Variants in HBS1L observed in about 807,000 individuals in gnomAD.
The protein encoded by HBS1L is HBS1 like translational GTPase, also known as HBS1-like protein.
A neutral mutation model predicts 88.9 loss-of-function variants in HBS1L; 55 were observed. The observed-to-expected ratio is 0.62, with a 90% CI of 0.50 to 0.77. The LOEUF is 0.77. HBS1L is among the 30% of genes least tolerant of loss of function. HBS1L has a pLI of 0.00. For synonymous variants in HBS1L, 267 were observed against 288.5 expected, an observed-to-expected ratio of 0.93 and a Z score of 0.76; for missense variants, 741 against 829.3, an observed-to-expected ratio of 0.89 and a Z score of 1.31.
At chr6:135,014,463 A>G (rs1277130591) in intron 4 of HBS1L, among the ~76,000 whole-genome samples, 2 of 152,212 alleles carry the variant, frequency 1.3e-5, no homozygotes, top group East Asian at 1.9e-4. Context: ...GAACAGTACG[A>G]TAAGATGAAA....
chr6:134,979,640 G>A (rs910601598), intron 13 of HBS1L, among the ~76,000 whole-genome samples: 6 of 152,134 alleles, frequency 3.9e-5, no homozygotes, highest in African/African-American at 1.4e-4. Flanking sequence ...TATTCATAAT[G>A]ACATAAAAGA....
Position 135,034,718 on chromosome 6 carries a change from C to T in HBS1L, c.430+4855G>A, listed in dbSNP as rs181335570. ...CAAGGAATACTAATAATATCTCCAT[C>T]ATTTTATGCAAAGGGCCATTAATTC... On this transcript the variant is annotated intron_variant, in intron 4 of 17. Transcript: ENST00000367837. Among the ~76,000 whole-genome samples, 139 of 152,334 alleles carry T rather than the reference C, an allele frequency of 9.1e-4. 1 individual carries two copies. Among genetic ancestry groups the T allele is most frequent in the African/African-American group, 3.2e-3 (135 of 41,584 alleles).
At chr6:135,034,600 T>C (rs1389546105) in intron 4 of HBS1L, among the ~76,000 whole-genome samples, 1 of 152,154 alleles carries the variant, frequency 6.6e-6, no homozygotes, top group East Asian at 1.9e-4. Flanking sequence ...GCCGAGATCA[T>C]GCCACTGCAC....
chr6:134,990,620 G>A (rs373856468), intron 8 of HBS1L, among the ~76,000 whole-genome samples: 4 of 152,042 alleles, frequency 2.6e-5, no homozygotes, highest in African/African-American at 7.2e-5. Flanking sequence ...CTTCCCTCAC[G>A]GCTCACTGCA....
At position 134,986,822 on chromosome 6, in the gene HBS1L, C is replaced by T. The variant is rs1774992274; in HGVS notation, c.1231-12G>A. 6 of 1,463,538 alleles carry T rather than the reference C, an allele frequency of 4.1e-6. No homozygotes were observed. Among genetic ancestry groups the T allele is most frequent in the Non-Finnish European group, 5.5e-6 (6 of 1,083,162 alleles). The allele number at this position is 1,463,538 out of a possible 1,614,324, so 90.7% of individuals were successfully genotyped here. A position where few individuals can be genotyped will look rare whatever the true frequency, so the allele number is the denominator to read the frequency against. On this transcript the variant is annotated splice_polypyrimidine_tract_variant and intron_variant, in intron 9 of 17. Coordinates refer to ENST00000367837, the MANE Select transcript of HBS1L (RefSeq NM_006620.4). ...TGTTGCCAATTAACCTGATAAAGATCCAATTTATTTTTAAAACTATCCTTC... is the reference window on the plus strand; with the variant it reads ...TGTTGCCAATTAACCTGATAAAGATTCAATTTATTTTTAAAACTATCCTTC...
intron 5 of HBS1L, among the ~76,000 whole-genome samples, chr6:135,001,966 T>C (rs1775474023): frequency 6.6e-6 from 1 of 151,668 alleles, no homozygotes; most frequent in Admixed American, 6.6e-5. Flanking sequence ...AAAAAAAGTA[T>C]ATATATATAA....
chr6:134,986,746 G>C lies in HBS1L; in HGVS notation c.1295C>G (p.Ala432Gly). The change falls in exon 10 of 18, where the codon GCA becomes GGA. Residue 432 changes from alanine to glycine, a missense_variant. Coordinates refer to ENST00000367837, the MANE Select transcript of HBS1L (RefSeq NM_006620.4). ...CTAAAATGATCTTACCTTAAAACCT[G>C]CTTGCTTAAGAAAGTGCCCAAGTTT... ...TGKLGHFLKQ[A>G]GFKESDVGFI... 1 of 1,552,070 alleles carries C rather than the reference G, an allele frequency of 6.4e-7. No individual in the cohort carries two copies. Among genetic ancestry groups the C allele is most frequent in the Non-Finnish European group, 8.7e-7 (1 of 1,146,084 alleles).
At chr6:135,001,398 G>A (rs532548741) in intron 5 of HBS1L, among the ~76,000 whole-genome samples, 15 of 152,100 alleles carry the variant, frequency 9.9e-5, no homozygotes, top group South Asian at 8.3e-4. Flanking sequence ...GGGTTCATTT[G>A]CATGTTAAGA....
intron 4 of HBS1L, among the ~76,000 whole-genome samples, chr6:135,030,143 G>A (rs1776343471): frequency 6.6e-6 from 1 of 152,116 alleles, no homozygotes; most frequent in African/African-American, 2.4e-5. Context: ...ATGGAAGAGG[G>A]GTGGAGGGAG....
Position 135,039,726 on chromosome 6 carries a change from C to T in HBS1L, c.277G>A (p.Gly93Arg), listed in dbSNP as rs1336263042. Residue 93 changes from glycine (G) to arginine (R), a missense_variant, in exon 4 of 18, where the codon GGA (glycine) becomes AGA (arginine). Gly to Arg is a moderately radical substitution (Grantham distance 125). Transcript: ENST00000367837. Reference protein sequence around the residue: ...SCLDHMREVLGDAVPDEILIE... With the variant: ...SCLDHMREVLRDAVPDEILIE... ...AATATTTCATCTGGCACAGCATCTC[C>T]AAGTACCTCTCTCATGTGATCAAGG... The T allele has an allele frequency of 6.2e-7, 1 of 1,613,908 alleles. No homozygotes were observed. The highest frequency in any genetic ancestry group is 1.7e-5 in the Admixed American group (1 of 60,016).
chr6:135,009,066 C>G (rs555191366), intron 4 of HBS1L, among the ~76,000 whole-genome samples: 1 of 152,184 alleles, frequency 6.6e-6, no homozygotes, highest in South Asian at 2.1e-4. Context: ...TCTAGAAAGC[C>G]AACATGGCAC....
rs1256472718 is a variant in HBS1L at position 135,042,239 on chromosome 6, A to G, written c.110-113T>C. 1.2e-5 allele frequency: 11 copies of G among 898,296 alleles called. No homozygotes were observed. In the East Asian group the frequency reaches 1.6e-4, roughly 13 times the overall value. The allele number at this position is 898,296 out of a possible 1,614,324, so 55.6% of individuals were successfully genotyped here. ...TCTAATCAATCACCTATAGTTACCC[A>G]TATTTCATAAGGGATGAAAACAAAA... On this transcript the variant is annotated intron_variant, in intron 2 of 17. Coordinates refer to ENST00000367837, the MANE Select transcript of HBS1L (RefSeq NM_006620.4).
chr6:134,984,634 A>G (rs1291175799), intron 12 of HBS1L, among the ~76,000 whole-genome samples: 1 of 152,090 alleles, frequency 6.6e-6, no homozygotes, highest in Non-Finnish European at 1.5e-5. Flanking sequence ...AATAAATCTT[A>G]TATCCTTTTA....
At position 135,039,674 on chromosome 6, in the gene HBS1L, A is replaced by G. The variant is rs754947479; in HGVS notation, c.329T>C (p.Phe110Ser). ...ILIEAVLKNK[F>S]DVQKALSGVL... ...CCCTGACAAAGCCTTCTGCACATCA[A>G]ACTTGTTCTTCAGAACTGCTTCAAT... The change falls in exon 4 of 18, where the codon TTT becomes TCT. Residue 110 changes from phenylalanine to serine, a missense_variant. Physicochemically the swap from Phe to Ser is radical, Grantham distance 155 (BLOSUM62 -2). Coordinates refer to ENST00000367837, the MANE Select transcript of HBS1L (RefSeq NM_006620.4). 1 of 1,614,092 alleles carries G rather than the reference A, an allele frequency of 6.2e-7. No homozygotes were observed. Among genetic ancestry groups the G allele is most frequent in the African/African-American group, 1.3e-5 (1 of 75,044 alleles).
chr6:135,012,473 G>A (rs1156503490), intron 4 of HBS1L, among the ~76,000 whole-genome samples: 1 of 152,030 alleles, frequency 6.6e-6, no homozygotes, highest in Non-Finnish European at 1.5e-5. Context: ...AATGACTTGT[G>A]CCTGTAGTAT....
intron 4 of HBS1L, among the ~76,000 whole-genome samples, chr6:135,024,439 CAAAA>C (rs60663059): frequency 0.061 from 4,021 of 66,342 alleles, 42 homozygotes; most frequent in Non-Finnish European, 0.1. Flanking sequence ...GACTTCGTCT[CAAAA>C]AAAAAAAAAA....
At chr6:135,022,607 G>T (rs1376960306) in intron 4 of HBS1L, among the ~76,000 whole-genome samples, 1 of 151,824 alleles carries the variant, frequency 6.6e-6, no homozygotes, top group African/African-American at 2.4e-5. Flanking sequence ...AATTAATTCT[G>T]GTTACCTGTA....
At chr6:135,047,844 C>T (rs1311536944) in intron 2 of HBS1L, among the ~76,000 whole-genome samples, 1 of 152,152 alleles carries the variant, frequency 6.6e-6, no homozygotes, top group African/African-American at 2.4e-5. Flanking sequence ...ACTTTGTCAC[C>T]TCTAATATTT....
At chr6:135,042,986 T>G (rs544831491) in intron 2 of HBS1L, among the ~76,000 whole-genome samples, 1 of 152,320 alleles carries the variant, frequency 6.6e-6, no homozygotes, top group East Asian at 1.9e-4. Flanking sequence ...ATACCTAACT[T>G]TAACTTTCAG....
Sources: allele counts gnomAD v4.1 joint callset (sites outside exome capture counted in the v4.1 genomes callset), GRCh38; gene constraint gnomAD v4.1.1; transcripts MANE v1.5; gene names NCBI Gene and HGNC (gene_info 2026-07-23, HGNC 2026-07-21).